The following STRIP2 variants were observed in gnomAD, a reference collection of about 807,000 sequenced individuals.
STRIP2 encodes the protein striatin interacting protein 2.
STRIP2 carries 84 observed loss-of-function variants against 107.1 expected under a neutral mutation model. The ratio of observed to expected loss-of-function variants is 0.78; its 90% CI spans 0.66 to 0.94. STRIP2 has a LOEUF of 0.94. STRIP2 is among the 40% of genes least tolerant of loss of function. STRIP2 has a pLI of 0.00. For synonymous variants in STRIP2, 394 were observed against 400.4 expected, an observed-to-expected ratio of 0.98 and a Z score of 0.19; for missense variants, 888 against 1,034.2, an observed-to-expected ratio of 0.86 and a Z score of 1.94.
intron 13 of STRIP2, among the ~76,000 whole-genome samples, chr7:129,462,622 C>T (rs758405327): frequency 1.3e-5 from 2 of 152,200 alleles, no homozygotes; most frequent in African/African-American, 4.8e-5. Flanking sequence ...TAAACCCACA[C>T]TATTGAGCCA....
At chr7:129,441,762 G>A (rs1218834352) in intron 2 of STRIP2, among the ~76,000 whole-genome samples, 1 of 151,866 alleles carries the variant, frequency 6.6e-6, no homozygotes, top group African/African-American at 2.4e-5. Context: ...AGCTAATTTT[G>A]TGCCACCATG....
At chr7:129,456,749 C>G (rs750909358) in intron 9 of STRIP2, 107 bp downstream of exon 9, 16 of 1,127,248 alleles carry the variant, frequency 1.4e-5, no homozygotes, top group Non-Finnish European at 1.9e-5. Context: ...CCCGGCTCAT[C>G]CTGCCCAGGT....
intron 2 of STRIP2, among the ~76,000 whole-genome samples, chr7:129,442,569 A>T (rs1462145936): frequency 6.6e-6 from 1 of 152,194 alleles, no homozygotes; most frequent in East Asian, 1.9e-4. Flanking sequence ...AAAAATTCAT[A>T]ATCTAAAATT....
Position 129,459,597 on chromosome 7 carries a change from C to G in STRIP2, c.1404+17C>G, listed in dbSNP as rs368106563. On this transcript the variant is annotated intron_variant, in intron 12 of 20. Transcript: ENST00000249344. Reference sequence around the variant, plus strand: ...CTAAAGCAGGTGACTGGGGTGGGCTCTCAGTCTTCAGGGATAGGGAGCCAT... The same window carrying G: ...CTAAAGCAGGTGACTGGGGTGGGCTGTCAGTCTTCAGGGATAGGGAGCCAT... 36 of 1,611,428 alleles carry G rather than the reference C, an allele frequency of 2.2e-5. No homozygotes were observed. Among genetic ancestry groups the G allele is most frequent in the Non-Finnish European group, 2.9e-5 (34 of 1,177,752 alleles).
chr7:129,461,881 AAG>A lies in STRIP2; in HGVS notation c.1477-1080_1477-1079del, dbSNP rs1468220049. On this transcript the variant is annotated intron_variant, in intron 13 of 20. Transcript: ENST00000249344. This position sits in a 1 kb window ranked among gnomAD's most constrained non-coding sequence, Gnocchi z 4.0. ...TTTTGTTTCCTAAAATAAGTGATCCAAGAGAGGGGATAATTGCAGGACTGAGG... is the reference window on the plus strand; with the variant it reads ...TTTTGTTTCCTAAAATAAGTGATCCAAGAGGGGATAATTGCAGGACTGAGG... Among the ~76,000 whole-genome samples, 3 of 152,208 alleles carry A rather than the reference AAG, an allele frequency of 2.0e-5. No individual in the cohort carries two copies. The highest frequency in any genetic ancestry group is 4.4e-5 in the Non-Finnish European group (3 of 68,032).
rs1229073054 is a variant in STRIP2, at chr7:129,461,735, T to C, written c.1477-1231T>C. 6.6e-6 allele frequency among the ~76,000 whole-genome samples: 1 copy of C among 151,954 alleles called. No individual in the cohort carries two copies. The highest frequency in any genetic ancestry group is 1.5e-5 in the Non-Finnish European group (1 of 67,966). On this transcript the variant is annotated intron_variant, in intron 13 of 20. Transcript: ENST00000249344. The surrounding 1 kb of genome is among the most constrained non-coding windows in gnomAD (Gnocchi z 4.0). ...CCTAATTGGAGTGTATTGAAGGGAA[T>C]GTCAAAAAAGGAGGTAGATGATATA...
chr7:129,471,966 T>C (rs1798798370), intron 18 of STRIP2, among the ~76,000 whole-genome samples: 1 of 151,698 alleles, frequency 6.6e-6, no homozygotes, highest in South Asian at 2.1e-4. Flanking sequence ...TGCTATTCAG[T>C]CTTTTTTCAA....
chr7:129,455,656 G>A (rs1048047920), intron 8 of STRIP2, among the ~76,000 whole-genome samples: 7 of 152,182 alleles, frequency 4.6e-5, no homozygotes, highest in Non-Finnish European at 7.3e-5. Context: ...AGAGAACACT[G>A]GTTGAAAGTT....
chr7:129,475,561 T>A (rs28626676), intron 18 of STRIP2, among the ~76,000 whole-genome samples: 8 of 125,030 alleles, frequency 6.4e-5, no homozygotes, highest in African/African-American at 1.1e-4. Context: ...TTCTTTTTTT[T>A]TTTTTTCTTT....
chr7:129,478,005 A>C (rs1799016884), intron 18 of STRIP2: 1 of 470,194 alleles, frequency 2.1e-6, no homozygotes, highest in Middle Eastern at 7.2e-4. Flanking sequence ...GTGATAGATA[A>C]GTGTGTGGAG....
rs1423084357 is a variant in STRIP2 at position 129,456,534 on chromosome 7, G to A, written c.930G>A (p.Val310=). 6.2e-7 allele frequency: 1 copy of A among 1,614,070 alleles called. No individual in the cohort carries two copies. The highest frequency in any genetic ancestry group is 1.1e-5 in the South Asian group (1 of 91,074). Residue 310 remains valine, a synonymous_variant, in exon 9 of 21, where the codon GTG becomes GTA. Coordinates refer to ENST00000249344, the MANE Select transcript of STRIP2 (RefSeq NM_020704.3). Reference sequence around the variant, plus strand: ...CACTGGCTGAAGACAGTATCCAGGTGGTGAAGAGCATGCGTGCTGCCTCCC... The same window carrying A: ...CACTGGCTGAAGACAGTATCCAGGTAGTGAAGAGCATGCGTGCTGCCTCCC... ...LPPLAEDSIQ[V]VKSMRAASPP...
In STRIP2 at chr7:129,486,256, G is replaced by T; in HGVS notation, c.*427G>T. On this transcript the variant is annotated 3_prime_UTR_variant, in exon 21 of 21. Coordinates refer to ENST00000249344, the MANE Select transcript of STRIP2 (RefSeq NM_020704.3). ...GATTCCTAGGACTTATCAGAGATTT[G>T]GAAAAACCAACTTTGAAATTAAGTT... 1 of 157,510 alleles carries T rather than the reference G, an allele frequency of 6.3e-6. No individual in the cohort carries two copies. Among genetic ancestry groups the T allele is most frequent in the Non-Finnish European group, 1.4e-5 (1 of 70,996 alleles). The allele number at this position is 157,510 out of a possible 1,614,324, so 9.8% of individuals were successfully genotyped here.
In STRIP2 at chr7:129,456,947, G is replaced by T. The variant is rs533900807; in HGVS notation, c.1038+305G>T. On this transcript the variant is annotated intron_variant, in intron 9 of 20. Coordinates refer to ENST00000249344, the MANE Select transcript of STRIP2 (RefSeq NM_020704.3). Reference sequence around the variant, plus strand: ...CTTACATTCTGAATAACAATTAAGGGTATAATCCTGGGGATAGGGACCCAG... The same window carrying T: ...CTTACATTCTGAATAACAATTAAGGTTATAATCCTGGGGATAGGGACCCAG... Among the ~76,000 whole-genome samples, 5 of 152,240 alleles carry T rather than the reference G, an allele frequency of 3.3e-5. No individual in the cohort carries two copies. In the South Asian group the frequency reaches 1.0e-3, roughly 32 times the overall value.
At chr7:129,473,426 G>A (rs1057220724) in intron 18 of STRIP2, among the ~76,000 whole-genome samples, 1 of 150,796 alleles carries the variant, frequency 6.6e-6, no homozygotes, top group Non-Finnish European at 1.5e-5. Context: ...CAGTGCACTC[G>A]GCCTGAAGCA....
chr7:129,455,106 C>T (rs779467923), intron 7 of STRIP2, 138 bp from the exon 8 acceptor site: 81 of 1,090,280 alleles, frequency 7.4e-5, no homozygotes, highest in Non-Finnish European at 9.8e-5. Flanking sequence ...GGCTAAGCCT[C>T]CTTCTCAGGA....
intron 17 of STRIP2, among the ~76,000 whole-genome samples, chr7:129,469,564 AG>A: frequency 6.6e-6 from 1 of 152,234 alleles, no homozygotes; most frequent in East Asian, 1.9e-4. Flanking sequence ...CTAATGGAGC[AG>A]TACAGAACTG....
At chr7:129,459,665 C>T (rs1046357126) in intron 12 of STRIP2, 85 bp downstream of exon 12, 22 of 1,139,660 alleles carry the variant, frequency 1.9e-5, no homozygotes, top group Non-Finnish European at 2.8e-5. Context: ...CTGGGTGGGG[C>T]TTTTATACCA....
rs908111317 is a variant in STRIP2 at position 129,485,775 on chromosome 7, G to C, written c.2451G>C (p.Glu817Asp). 6.2e-7 allele frequency: 1 copy of C among 1,614,096 alleles called. No homozygotes were observed. Among genetic ancestry groups the C allele is most frequent in the South Asian group, 1.1e-5 (1 of 91,084 alleles). ...DFHYSYELWL[E>D]REVFSQPICW... ...ACTATTCATATGAGCTCTGGCTCGA[G>C]AGAGAGGTGTTTTCACAGCCCATCT... The change falls in exon 21 of 21, where the codon GAG becomes GAC. Residue 817 changes from glutamate (E) to aspartate (D), a missense_variant. Glu to Asp is a conservative substitution (Grantham distance 45). Transcript: ENST00000249344.
chr7:129,464,020 A>G, intron 14 of STRIP2, 24 bp from the exon 15 acceptor site: 1 of 1,601,386 alleles, frequency 6.2e-7, no homozygotes, highest in Non-Finnish European at 8.5e-7. Context: ...ACAGTGGTAA[A>G]TTTCTTTATT....
Sources: allele counts gnomAD v4.1 joint callset (sites outside exome capture counted in the v4.1 genomes callset), GRCh38; gene constraint gnomAD v4.1.1; non-coding constraint Gnocchi (gnomAD v3.1); transcripts MANE v1.5; gene names NCBI Gene and HGNC (gene_info 2026-07-23, HGNC 2026-07-21).